SLC44A5: variants seen among roughly 807,000 people sequenced by gnomAD.
SLC44A5 encodes the protein choline transporter-like protein 5.
Under a neutral mutation model 101.8 loss-of-function variants are expected in SLC44A5, and 57 were observed. The observed-to-expected ratio is 0.56, with a 90% confidence interval of 0.45 to 0.70. The LOEUF (loss-of-function observed/expected upper bound fraction) is 0.70. Ranked by LOEUF, SLC44A5 falls within the 30% of genes least tolerant of loss-of-function variation. The pLI is 0.00. For synonymous variants in SLC44A5, 281 were observed against 290.9 expected (o/e 0.97, Z 0.35); for missense variants, 737 against 853.1 (o/e 0.86, Z 1.70).
At position 75,235,847 on chromosome 1, in the gene SLC44A5, T is replaced by C. The variant is rs115788922; in HGVS notation, c.740+1140A>G. ...AAAGATGAGTTAGACATAGTTACTATTGTAAAAAGTTCATACTTTATCAGA... is the reference window on the plus strand; with the variant it reads ...AAAGATGAGTTAGACATAGTTACTACTGTAAAAAGTTCATACTTTATCAGA... On this transcript the variant is annotated intron_variant, in intron 11 of 23. Coordinates refer to ENST00000370859, the MANE Select transcript of SLC44A5 (RefSeq NM_001130058.2). Among the ~76,000 whole-genome samples, 892 of 152,126 alleles carry C rather than the reference T, an allele frequency of 5.9e-3. 16 individuals carry two copies. Among genetic ancestry groups the C allele is most frequent in the African/African-American group, 0.02 (842 of 41,528 alleles).
the SLC44A5 span, among the ~76,000 whole-genome samples, chr1:75,703,428 G>T: frequency 6.6e-6 from 1 of 151,348 alleles, no homozygotes; most frequent in Admixed American, 6.6e-5. Flanking sequence ...ACCAAACACC[G>T]CATGTTCTCA....
At chr1:75,259,698 T>C (rs1050615539) in intron 6 of SLC44A5, among the ~76,000 whole-genome samples, 2 of 151,974 alleles carry the variant, frequency 1.3e-5, no homozygotes, top group African/African-American at 4.8e-5. Flanking sequence ...AGATATTCCT[T>C]GAGAAGAGCA....
rs116105131 is a variant in SLC44A5 at position 75,309,216 on chromosome 1, G to C, written c.102-8531C>G. 6.9e-3 allele frequency among the ~76,000 whole-genome samples: 1,044 copies of C among 152,270 alleles called. 14 individuals are homozygous for C. The highest frequency in any genetic ancestry group is 0.023 in the African/African-American group (972 of 41,546). On this transcript the variant is annotated intron_variant, in intron 4 of 23. Transcript: ENST00000370859. Reference sequence around the variant, plus strand: ...TCCAACACTTTGGGAAGCTAAGTTGGGGGGATTACTTAAAGCTAGGAGTTT... The same window carrying C: ...TCCAACACTTTGGGAAGCTAAGTTGCGGGGATTACTTAAAGCTAGGAGTTT...
intron 20 of SLC44A5, 38 bp from the exon 21 acceptor site, chr1:75,214,027 T>G (rs768807294): frequency 7.8e-7 from 1 of 1,274,078 alleles, no homozygotes; most frequent in African/African-American, 1.5e-5. Flanking sequence ...ATTCTGTGTT[T>G]AAAATATACT....
intron 14 of SLC44A5, among the ~76,000 whole-genome samples, 154 bp downstream of exon 14, chr1:75,222,207 C>T (rs1410671444): frequency 1.3e-5 from 2 of 152,052 alleles, no homozygotes; most frequent in African/African-American, 2.4e-5. Context: ...CAGCCTGCCT[C>T]GGCCTCCCAA....
the SLC44A5 span, among the ~76,000 whole-genome samples, chr1:75,698,157 C>T: frequency 6.6e-6 from 1 of 152,200 alleles, no homozygotes; most frequent in Admixed American, 6.5e-5. Context: ...CACCACAGCT[C>T]AAGGAGGCCT....
chr1:75,341,417 C>T (rs980296768), intron 3 of SLC44A5, among the ~76,000 whole-genome samples: 4 of 151,720 alleles, frequency 2.6e-5, no homozygotes, highest in Non-Finnish European at 5.9e-5. Context: ...AGGAGGCGGA[C>T]GTTGCAGTGA....
chr1:75,303,922 T>G (rs1030779337), intron 4 of SLC44A5, among the ~76,000 whole-genome samples: 22 of 152,156 alleles, frequency 1.4e-4, no homozygotes, highest in African/African-American at 4.3e-4. Flanking sequence ...ACCTGCAGGT[T>G]GTGCACATGT....
the SLC44A5 span, among the ~76,000 whole-genome samples, chr1:75,666,575 C>T: frequency 8.6e-3 from 1,303 of 152,238 alleles, 28 homozygotes; most frequent in African/African-American, 0.029. Flanking sequence ...GGGAATCCTC[C>T]ATAACTTATT....
intron 4 of SLC44A5, among the ~76,000 whole-genome samples, chr1:75,317,486 T>C (rs1459156288): frequency 1.3e-5 from 2 of 152,224 alleles, no homozygotes; most frequent in Non-Finnish European, 2.9e-5. Flanking sequence ...AATGTTTTTG[T>C]GGTTTCATGA....
upstream of SLC44A5, among the ~76,000 whole-genome samples, chr1:75,614,295 T>C (rs1476438154): frequency 6.6e-6 from 1 of 152,162 alleles, no homozygotes; most frequent in South Asian, 2.1e-4. Flanking sequence ...CGCTAATTTA[T>C]GGAGGGGGGG....
At chr1:75,215,717 A>G in intron 19 of SLC44A5, 37 bp downstream of exon 19, 1 of 1,280,958 alleles carries the variant, frequency 7.8e-7, no homozygotes, top group African/African-American at 1.5e-5. Flanking sequence ...GGGATTGCAA[A>G]GAAGCAGCTT....
At chr1:75,381,279 G>A (rs374353272) in intron 3 of SLC44A5, among the ~76,000 whole-genome samples, 43 of 38,208 alleles carry the variant, frequency 1.1e-3, no homozygotes, top group African/African-American at 1.8e-3. Flanking sequence ...AAACTCAGTC[G>A]TGTCCAAGTG....
chr1:75,347,800 A>C (rs1234004233), intron 3 of SLC44A5, among the ~76,000 whole-genome samples: 1 of 152,078 alleles, frequency 6.6e-6, no homozygotes, highest in East Asian at 1.9e-4. Flanking sequence ...TCAAAGATAC[A>C]ATAGCCTGGA....
intron 3 of SLC44A5, among the ~76,000 whole-genome samples, chr1:75,361,788 G>T (rs1365229838): frequency 1.3e-5 from 2 of 152,024 alleles, no homozygotes; most frequent in Non-Finnish European, 2.9e-5. Flanking sequence ...GTTTATCAGA[G>T]ATAATGGCCT....
chr1:75,376,151 C>T (rs989362668), intron 3 of SLC44A5, among the ~76,000 whole-genome samples: 5 of 152,122 alleles, frequency 3.3e-5, no homozygotes, highest in Non-Finnish European at 5.9e-5. Context: ...CGGCGCACGA[C>T]GAGATTATAT....
At chr1:75,585,560 C>T (rs1673944944) in intron 1 of SLC44A5, among the ~76,000 whole-genome samples, 1 of 152,122 alleles carries the variant, frequency 6.6e-6, no homozygotes, top group Non-Finnish European at 1.5e-5. Context: ...ATTTAAACTT[C>T]ATGAGTATTT....
intron 2 of SLC44A5, among the ~76,000 whole-genome samples, chr1:75,476,795 G>A (rs1179152613): frequency 1.3e-5 from 2 of 152,256 alleles, no homozygotes; most frequent in Non-Finnish European, 2.9e-5. Context: ...AGGCCTGCCT[G>A]CCTCTGTAGG....
At chr1:75,421,634 T>C (rs575791677) in intron 2 of SLC44A5, among the ~76,000 whole-genome samples, 2 of 152,178 alleles carry the variant, frequency 1.3e-5, no homozygotes, top group African/African-American at 2.4e-5. Flanking sequence ...TCTTCTTTCA[T>C]TAAGATCACC....
Sources: allele counts gnomAD v4.1 joint callset (sites outside exome capture counted in the v4.1 genomes callset), GRCh38; gene constraint gnomAD v4.1.1; transcripts MANE v1.5; gene names NCBI Gene and HGNC (gene_info 2026-07-23, HGNC 2026-07-21).